The following MCHR2 variants were observed in gnomAD, a reference collection of about 807,000 sequenced individuals.
MCHR2 encodes the protein melanin concentrating hormone receptor 2.
Under a neutral mutation model 24.8 loss-of-function variants are expected in MCHR2, and 15 were observed. That is an observed-to-expected ratio of 0.60 (90% CI 0.40 to 0.93). MCHR2 has a LOEUF of 0.93. Among genes scored for constraint, MCHR2 ranks in the 40% least tolerant of loss-of-function variants. MCHR2 has a pLI of 0.00. For missense variants in MCHR2, 386 were observed against 408.7 expected (o/e 0.94, Z 0.48); for synonymous variants, 151 against 147.6 (o/e 1.02, Z -0.17).
chr6:99,970,561 T>C (rs1010146628), intron 1 of MCHR2, among the ~76,000 whole-genome samples: 2 of 152,216 alleles, frequency 1.3e-5, no homozygotes, highest in African/African-American at 4.8e-5. Flanking sequence ...AGCTCTTTAG[T>C]TTAATTAGAT....
At chr6:99,976,997 CCTG>C (rs1775564530) in intron 1 of MCHR2, among the ~76,000 whole-genome samples, 1 of 152,176 alleles carries the variant, frequency 6.6e-6, no homozygotes, top group Admixed American at 6.5e-5. Context: ...ATTTACCTGA[CCTG>C]CTGATTTTCT....
chr6:99,957,060 A>G (rs956690678), intron 1 of MCHR2, among the ~76,000 whole-genome samples: 1 of 152,042 alleles, frequency 6.6e-6, no homozygotes, highest in African/African-American at 2.4e-5. Flanking sequence ...TAGGTTTTGA[A>G]TGAGATCTTG....
intron 2 of MCHR2, among the ~76,000 whole-genome samples, chr6:99,953,601 GTCTT>G (rs1479652439): frequency 2.6e-5 from 4 of 151,370 alleles, no homozygotes; most frequent in African/African-American, 9.7e-5. Context: ...TGTTTTTAAA[GTCTT>G]TCTTGTATTA....
rs1582383360 is a variant in MCHR2 at position 99,944,673 on chromosome 6, G to C, written c.393-1530C>G. On this transcript the variant is annotated intron_variant, in intron 3 of 5. Coordinates refer to ENST00000281806, the MANE Select transcript of MCHR2 (RefSeq NM_001040179.2). ...CCCTGCTGCGGAAGTGGATGATGTA[G>C]TGACTGCATAGCAGCCCAGCCATCA... Among the ~76,000 whole-genome samples, 3 of 152,262 alleles carry C rather than the reference G, an allele frequency of 2.0e-5. No homozygotes were observed. In the East Asian group the frequency reaches 5.8e-4, roughly 29 times the overall value.
At chr6:99,993,393 A>G (rs1364540498) in intron 1 of MCHR2, among the ~76,000 whole-genome samples, 1 of 152,164 alleles carries the variant, frequency 6.6e-6, no homozygotes. Context: ...TAAGTTAACT[A>G]AGTGGGAATG....
intron 5 of MCHR2, among the ~76,000 whole-genome samples, chr6:99,925,921 T>A (rs970183675): frequency 1.5e-4 from 23 of 151,852 alleles, no homozygotes; most frequent in Non-Finnish European, 3.2e-4. Flanking sequence ...GCCATGCTGG[T>A]GTGCTGCACC....
chr6:99,948,552 T>C (rs1274839549), intron 2 of MCHR2, among the ~76,000 whole-genome samples: 1 of 152,148 alleles, frequency 6.6e-6, no homozygotes, highest in East Asian at 1.9e-4. Context: ...TGACAGCAAC[T>C]TTATGACAGA....
intron 5 of MCHR2, among the ~76,000 whole-genome samples, chr6:99,928,687 C>T (rs1774430197): frequency 6.6e-6 from 1 of 152,044 alleles, no homozygotes; most frequent in South Asian, 2.1e-4. Flanking sequence ...GGTGATATCC[C>T]CTTTATCACT....
At chr6:99,929,979 G>A (rs1006922215) in intron 5 of MCHR2, among the ~76,000 whole-genome samples, 6 of 150,590 alleles carry the variant, frequency 4.0e-5, no homozygotes, top group Admixed American at 1.3e-4. Flanking sequence ...GCTGGTACCG[G>A]TTGTTCCTTT....
At chr6:99,931,324 C>T (rs1046818706) in intron 5 of MCHR2, among the ~76,000 whole-genome samples, 6 of 152,192 alleles carry the variant, frequency 3.9e-5, no homozygotes, top group African/African-American at 1.4e-4. Flanking sequence ...TGCCCATTCT[C>T]AGATCTCCAG....
At chr6:99,968,092 T>G (rs746458652) in intron 1 of MCHR2, among the ~76,000 whole-genome samples, 1 of 152,214 alleles carries the variant, frequency 6.6e-6, no homozygotes, top group Non-Finnish European at 1.5e-5. Flanking sequence ...AAGTATTCAA[T>G]TAATATCAGT....
intron 5 of MCHR2, among the ~76,000 whole-genome samples, chr6:99,929,517 T>A (rs183761143): frequency 6.6e-6 from 1 of 152,306 alleles, no homozygotes; most frequent in Admixed American, 6.5e-5. Flanking sequence ...TGAATCTGGG[T>A]GCTGCTGTAT....
chr6:99,928,160 A>C (rs949973010), intron 5 of MCHR2, among the ~76,000 whole-genome samples: 2 of 152,164 alleles, frequency 1.3e-5, no homozygotes, highest in African/African-American at 4.8e-5. Flanking sequence ...CATATATTGA[A>C]CCAGCCTTGC....
intron 1 of MCHR2, among the ~76,000 whole-genome samples, chr6:99,985,554 G>C (rs926607492): frequency 6.6e-5 from 10 of 152,028 alleles, no homozygotes; most frequent in African/African-American, 1.7e-4. Context: ...CTTTGACAAA[G>C]TTGACAAAAA....
intron 4 of MCHR2, 39 bp downstream of exon 4, chr6:99,942,910 C>A: frequency 1.3e-6 from 2 of 1,545,362 alleles, no homozygotes; most frequent in South Asian, 2.4e-5. Flanking sequence ...TTCTTCACAA[C>A]TTAATTCAAC....
At chr6:99,951,510 C>T (rs777575331) in intron 2 of MCHR2, among the ~76,000 whole-genome samples, 2 of 152,142 alleles carry the variant, frequency 1.3e-5, no homozygotes, top group African/African-American at 2.4e-5. Context: ...TGCCCTCGCT[C>T]ATTGTGTCCT....
chr6:99,989,284 TGAAG>T (rs1362965486), intron 1 of MCHR2, among the ~76,000 whole-genome samples: 1 of 152,102 alleles, frequency 6.6e-6, no homozygotes, highest in African/African-American at 2.4e-5. Context: ...TAGATTTTCA[TGAAG>T]GAAGACATAA....
intron 4 of MCHR2, among the ~76,000 whole-genome samples, chr6:99,936,755 A>G (rs1774669301): frequency 2.6e-5 from 4 of 151,958 alleles, no homozygotes; most frequent in African/African-American, 9.7e-5. Context: ...GAGAGATTGC[A>G]TTGAATCTGT....
intron 1 of MCHR2, among the ~76,000 whole-genome samples, chr6:99,970,314 T>C (rs1485570159): frequency 4.6e-5 from 7 of 152,232 alleles, no homozygotes; most frequent in Admixed American, 4.6e-4. Flanking sequence ...TGGCCAGTGA[T>C]GGTGAGCATT....
Sources: allele counts gnomAD v4.1 joint callset (sites outside exome capture counted in the v4.1 genomes callset), GRCh38; gene constraint gnomAD v4.1.1; transcripts MANE v1.5; gene names NCBI Gene and HGNC (gene_info 2026-07-23, HGNC 2026-07-21).